Variants in TRIM55 observed in about 807,000 individuals in gnomAD.
The protein encoded by TRIM55 is tripartite motif-containing protein 55.
Under a neutral mutation model 60.9 loss-of-function variants are expected in TRIM55, and 50 were observed. That is an observed-to-expected ratio of 0.82 (90% CI 0.65 to 1.04). TRIM55 has a LOEUF of 1.04. TRIM55 is among the 50% of genes least tolerant of loss of function. The pLI, the probability that TRIM55 is intolerant of heterozygous loss-of-function variation, is 0.00. For synonymous variants in TRIM55, 237 were observed against 238.1 expected, an observed-to-expected ratio of 1.00 and a Z score of 0.04; for missense variants, 681 against 666.9, an observed-to-expected ratio of 1.02 and a Z score of -0.23.
At chr8:66,172,462 G>T (rs1339405416) in intron 9 of TRIM55, among the ~76,000 whole-genome samples, 1 of 152,168 alleles carries the variant, frequency 6.6e-6, no homozygotes, top group Non-Finnish European at 1.5e-5. Flanking sequence ...AGATAGCATT[G>T]GTCCATATTG....
chr8:66,127,214 G>A lies in TRIM55; in HGVS notation c.-55G>A, dbSNP rs1808856368. On this transcript the variant is annotated 5_prime_UTR_variant, in exon 1 of 10. Transcript: ENST00000315962. Reference sequence around the variant, plus strand: ...CTGGAATAATATCCAGGAAACACTTGCTGGAGCCACTCGCAGCACCCTTCC... The same window carrying A: ...CTGGAATAATATCCAGGAAACACTTACTGGAGCCACTCGCAGCACCCTTCC... 5.2e-6 allele frequency: 8 copies of A among 1,546,834 alleles called. No individual in the cohort carries two copies. Among genetic ancestry groups the A allele is most frequent in the South Asian group, 2.4e-5 (2 of 84,646 alleles).
chr8:66,127,817 A>ATT (rs1808904491), intron 1 of TRIM55, among the ~76,000 whole-genome samples: 1 of 152,264 alleles, frequency 6.6e-6, no homozygotes, highest in African/African-American at 2.4e-5. Context: ...CCTGGGCAAC[A>ATT]GAGCAAGACT....
At chr8:66,135,298 G>C (rs1246751143) in intron 3 of TRIM55, 143 bp downstream of exon 3, 1 of 821,546 alleles carries the variant, frequency 1.2e-6, no homozygotes, top group Non-Finnish European at 2.0e-6. Context: ...GGGCACACAA[G>C]GTCTGCAGGA....
chr8:66,124,321 G>A (rs187843188), upstream of TRIM55, among the ~76,000 whole-genome samples: 43 of 152,250 alleles, frequency 2.8e-4, no homozygotes, highest in Non-Finnish European at 5.3e-4. Flanking sequence ...AACTTTTAAC[G>A]ACTTCCTGCT....
chr8:66,168,810 T>C (rs144541060), intron 9 of TRIM55, among the ~76,000 whole-genome samples: 118 of 152,352 alleles, frequency 7.7e-4, no homozygotes, highest in African/African-American at 2.6e-3. Flanking sequence ...CTCAATGGCC[T>C]GGCATCAGTC....
chr8:66,156,752 A>T (rs961365391), intron 9 of TRIM55, among the ~76,000 whole-genome samples: 1 of 152,020 alleles, frequency 6.6e-6, no homozygotes. Flanking sequence ...CTGCCTCATT[A>T]GCCATCTGCT....
At chr8:66,139,020 C>G (rs1367481946) in intron 4 of TRIM55, among the ~76,000 whole-genome samples, 2 of 152,082 alleles carry the variant, frequency 1.3e-5, no homozygotes, top group Non-Finnish European at 2.9e-5. Context: ...CACTCATATT[C>G]CTGAAAAGAT....
intron 5 of TRIM55, 58 bp downstream of exon 5, chr8:66,149,936 T>C: frequency 4.5e-6 from 6 of 1,319,692 alleles, no homozygotes; most frequent in Non-Finnish European, 6.4e-6. Flanking sequence ...GGAAAATTAG[T>C]TATCACATTT....
At chr8:66,143,775 G>A (rs984457276) in intron 4 of TRIM55, among the ~76,000 whole-genome samples, 19 of 152,044 alleles carry the variant, frequency 1.2e-4, no homozygotes, top group Non-Finnish European at 2.4e-4. Context: ...GCCATGTTCT[G>A]TACACATAAT....
At chr8:66,154,019 A>G (rs775992862) in intron 8 of TRIM55, 28 bp from the exon 9 acceptor site, 2 of 1,537,150 alleles carry the variant, frequency 1.3e-6, no homozygotes, top group Admixed American at 2.2e-5. Context: ...TTTTTTCTTT[A>G]CTTTTGAATT....
the TRIM55 span, among the ~76,000 whole-genome samples, chr8:66,115,565 C>T: frequency 6.6e-6 from 1 of 152,152 alleles, no homozygotes; most frequent in Non-Finnish European, 1.5e-5. Context: ...GTGGAGGACA[C>T]ACGTTTCGGG....
chr8:66,133,326 C>A (rs1809277833), intron 2 of TRIM55, among the ~76,000 whole-genome samples: 1 of 151,902 alleles, frequency 6.6e-6, no homozygotes. Context: ...TTGTCTCACT[C>A]ATTTGTGCAA....
chr8:66,154,202 AGGTCTGG>A lies in TRIM55; in HGVS notation c.1395_1401del (p.Leu466LysfsTer2). On this transcript the variant is annotated frameshift_variant, in exon 9 of 10. Coordinates refer to ENST00000315962, the MANE Select transcript of TRIM55 (RefSeq NM_184085.2). LOFTEE classifies it high-confidence loss of function. ...ACCCACCTTGCACCCCAGGGAGCGA[AGGTCTGG>A]GGCAAATAGGGCCTCCAGGTTCTGA... 4 of 1,614,090 alleles carry A rather than the reference AGGTCTGG, an allele frequency of 2.5e-6. No homozygotes were observed. Among genetic ancestry groups the A allele is most frequent in the Non-Finnish European group, 2.5e-6 (3 of 1,180,010 alleles).
chr8:66,169,411 A>G (rs566349371), intron 9 of TRIM55, among the ~76,000 whole-genome samples: 79 of 152,332 alleles, frequency 5.2e-4, no homozygotes, highest in African/African-American at 1.8e-3. Flanking sequence ...TTGCCATGAG[A>G]CATACTTTGG....
intron 9 of TRIM55, chr8:66,155,742 A>G: frequency 1.4e-6 from 2 of 1,409,542 alleles, no homozygotes; most frequent in East Asian, 2.3e-5. Flanking sequence ...CTTGACTAAC[A>G]TCTCACATAG....
At position 66,134,979 on chromosome 8, in the gene TRIM55, C is replaced by T. The variant is rs766355226; in HGVS notation, c.342-11C>T. Reference sequence around the variant, plus strand: ...GAGCTGATGGACATTTATCTGCCTACCTCCTCCCAGGCCAGAAAAGAAATC... The same window carrying T: ...GAGCTGATGGACATTTATCTGCCTATCTCCTCCCAGGCCAGAAAAGAAATC... On this transcript the variant is annotated splice_polypyrimidine_tract_variant and intron_variant, in intron 2 of 9. Coordinates refer to ENST00000315962, the MANE Select transcript of TRIM55 (RefSeq NM_184085.2). 21 of 1,613,736 alleles carry T rather than the reference C, an allele frequency of 1.3e-5. No homozygotes were observed. The highest frequency in any genetic ancestry group is 1.8e-5 in the Non-Finnish European group (21 of 1,179,780).
chr8:66,152,239 C>A, intron 7 of TRIM55, 138 bp from the exon 8 acceptor site: 1 of 1,221,314 alleles, frequency 8.2e-7, no homozygotes, highest in Non-Finnish European at 1.1e-6. Flanking sequence ...GCACGGCACA[C>A]TTGGACCATT....
chr8:66,114,091 C>A, the TRIM55 span, among the ~76,000 whole-genome samples: 4 of 137,756 alleles, frequency 2.9e-5, no homozygotes, highest in African/African-American at 8.0e-5. Flanking sequence ...CACCCCCCCC[C>A]CCATTATTTT....
intron 7 of TRIM55, among the ~76,000 whole-genome samples, chr8:66,151,806 T>C (rs929894464): frequency 2.0e-5 from 3 of 151,606 alleles, no homozygotes; most frequent in Admixed American, 6.6e-5. Context: ...ATTGCACCAC[T>C]GCACTCCAGC....
Sources: allele counts gnomAD v4.1 joint callset (sites outside exome capture counted in the v4.1 genomes callset), GRCh38; gene constraint gnomAD v4.1.1; transcripts MANE v1.5; gene names NCBI Gene and HGNC (gene_info 2026-07-23, HGNC 2026-07-21).